The following VRK2 variants were observed in gnomAD, a reference collection of about 807,000 sequenced individuals.
VRK2 encodes the protein serine/threonine-protein kinase VRK2.
Under a neutral mutation model 57.6 loss-of-function variants are expected in VRK2, and 60 were observed. That is an observed-to-expected ratio of 1.04 (90% CI 0.85 to 1.29). VRK2 has a LOEUF of 1.29. Ranked by LOEUF, VRK2 falls within the 50% of genes most tolerant of loss-of-function variation. VRK2 has a pLI of 0.00. For missense variants in VRK2, 705 were observed against 588.1 expected, an observed-to-expected ratio of 1.20 and a Z score of -2.06; for synonymous variants, 231 against 199.2, an observed-to-expected ratio of 1.16 and a Z score of -1.35.
intron 1 of VRK2, among the ~76,000 whole-genome samples, chr2:57,976,652 T>A (rs1672260336): frequency 6.6e-6 from 1 of 152,166 alleles, no homozygotes; most frequent in African/African-American, 2.4e-5. Flanking sequence ...GCAAATATAT[T>A]CTTCCCTACT....
At chr2:58,113,988 T>C (rs1676022347) in intron 7 of VRK2, among the ~76,000 whole-genome samples, 1 of 152,060 alleles carries the variant, frequency 6.6e-6, no homozygotes, top group Non-Finnish European at 1.5e-5. Flanking sequence ...TCAACAGGAT[T>C]AGGGGCAGTG....
At chr2:58,013,879 A>T (rs1673493472) in intron 1 of VRK2, among the ~76,000 whole-genome samples, 1 of 151,422 alleles carries the variant, frequency 6.6e-6, no homozygotes, top group Non-Finnish European at 1.5e-5. Flanking sequence ...AAAAAAAAAA[A>T]AAAGATACAG....
intron 1 of VRK2, among the ~76,000 whole-genome samples, chr2:57,947,445 C>T (rs985423140): frequency 1.3e-5 from 2 of 152,110 alleles, no homozygotes; most frequent in African/African-American, 4.8e-5. Flanking sequence ...ATCATCTTAA[C>T]CTCACAAACT....
chr2:57,954,984 G>A (rs1262710729), intron 1 of VRK2, among the ~76,000 whole-genome samples: 1 of 152,104 alleles, frequency 6.6e-6, no homozygotes, highest in Non-Finnish European at 1.5e-5. Context: ...TAAGTATAAA[G>A]CATAGATATG....
At chr2:57,982,393 C>A (rs1672447878) in intron 1 of VRK2, among the ~76,000 whole-genome samples, 1 of 152,206 alleles carries the variant, frequency 6.6e-6, no homozygotes, top group African/African-American at 2.4e-5. Flanking sequence ...TAGGTCCCTG[C>A]ATGCAAAAGC....
intron 7 of VRK2, among the ~76,000 whole-genome samples, chr2:58,105,005 A>T (rs553606451): frequency 3.9e-5 from 6 of 152,052 alleles, no homozygotes; most frequent in Admixed American, 3.3e-4. Context: ...TTGGATTGCC[A>T]TATACAGAAT....
chr2:58,100,837 A>C (rs1330043009), intron 7 of VRK2, among the ~76,000 whole-genome samples: 1 of 151,854 alleles, frequency 6.6e-6, no homozygotes, highest in South Asian at 2.1e-4. Context: ...ATTTCCATCT[A>C]ACTTTGTGTA....
chr2:58,063,465 T>C (rs1677668045), intron 2 of VRK2, among the ~76,000 whole-genome samples: 1 of 152,062 alleles, frequency 6.6e-6, no homozygotes. Flanking sequence ...ACTATGGTTG[T>C]ATGCATGTAA....
rs1672287236 is a variant in VRK2 at position 57,977,484 on chromosome 2, G to T, written c.-438-48181G>T. ...TATTTTTTTTCTTTTTGTGGCTTTTGTGAATGAGATTGTGTTTTAGATTTG... is the reference window on the plus strand; with the variant it reads ...TATTTTTTTTCTTTTTGTGGCTTTTTTGAATGAGATTGTGTTTTAGATTTG... On this transcript the variant is annotated intron_variant, in intron 1 of 15. Coordinates refer to the VRK2 transcript ENST00000417641. Among the ~76,000 whole-genome samples, 3 of 151,956 alleles carry T rather than the reference G, an allele frequency of 2.0e-5. No homozygotes were observed. In the South Asian group the frequency reaches 6.2e-4, roughly 32 times the overall value.
intron 7 of VRK2, among the ~76,000 whole-genome samples, chr2:58,104,250 T>A (rs2104367678): frequency 6.6e-6 from 1 of 151,926 alleles, no homozygotes; most frequent in Admixed American, 6.6e-5. Flanking sequence ...TACATCCAGA[T>A]TGCAAAAGAA....
intron 1 of VRK2, among the ~76,000 whole-genome samples, chr2:57,933,599 C>CCTG (rs1413441356): frequency 1.3e-5 from 2 of 151,744 alleles, no homozygotes; most frequent in African/African-American, 4.8e-5. Context: ...TAAGCCACCA[C>CCTG]CTGCTGTCTA....
intron 12 of VRK2, among the ~76,000 whole-genome samples, chr2:58,155,859 C>A (rs1683743870): frequency 6.7e-6 from 1 of 149,316 alleles, no homozygotes; most frequent in Non-Finnish European, 1.5e-5. Context: ...TAAAAAGATT[C>A]TGTCCTGTAG....
Position 58,049,079 on chromosome 2 carries a change from A to G in VRK2, c.136+112A>G, listed in dbSNP as rs1284631272. 4 of 1,320,400 alleles carry G rather than the reference A, an allele frequency of 3.0e-6. No individual in the cohort carries two copies. The African/African-American group carries it at 6.0e-5, about 20-fold the overall frequency. 81.8% of individuals were successfully genotyped at this position (1,320,400 alleles called of 1,614,324 possible). A position where few individuals can be genotyped will look rare whatever the true frequency, so the allele number is the denominator to read the frequency against. Reference sequence around the variant, plus strand: ...GGAATTCATATGTGTACTTTATTAAAATTCATGATTGTACTCGATTAAGTA... The same window carrying G: ...GGAATTCATATGTGTACTTTATTAAGATTCATGATTGTACTCGATTAAGTA... On this transcript the variant is annotated intron_variant, in intron 2 of 12. Transcript: ENST00000340157.
At chr2:58,001,689 T>G (rs1673093875) in intron 1 of VRK2, among the ~76,000 whole-genome samples, 1 of 151,910 alleles carries the variant, frequency 6.6e-6, no homozygotes, top group Admixed American at 6.6e-5. Context: ...AGGCGTGGTG[T>G]CGCGCACCTA....
At chr2:58,103,281 TTAAAA>T (rs1255377064) in intron 7 of VRK2, among the ~76,000 whole-genome samples, 5 of 150,486 alleles carry the variant, frequency 3.3e-5, no homozygotes, top group African/African-American at 4.9e-5. Context: ...TAAATAAAAA[TTAAAA>T]TAAAAAAATC....
intron 1 of VRK2, among the ~76,000 whole-genome samples, chr2:57,929,598 C>G (rs141754958): frequency 0.018 from 2,778 of 152,216 alleles, 25 homozygotes; most frequent in Non-Finnish European, 0.026. Flanking sequence ...GTCCCCTTTA[C>G]TCTTCTCTCT....
chr2:58,019,408 T>A (rs1371068941), intron 1 of VRK2, among the ~76,000 whole-genome samples: 1 of 152,190 alleles, frequency 6.6e-6, no homozygotes, highest in East Asian at 1.9e-4. Context: ...TGACTCATAT[T>A]GATACTAGCT....
Position 58,123,198 on chromosome 2 carries a change from TAG to T in VRK2, c.644_645del (p.Glu215ValfsTer17), listed in dbSNP as rs1558665300. 1.3e-6 allele frequency: 2 copies of T among 1,589,788 alleles called. No homozygotes were observed. The highest frequency in any genetic ancestry group is 1.7e-6 in the Non-Finnish European group (2 of 1,173,752). On this transcript the variant is annotated frameshift_variant, in exon 8 of 13. Transcript: ENST00000340157. LOFTEE classifies it high-confidence loss of function. ...CCTAGAAAAGGCCATAATGGGACAATAGAGTTTACCAGCTTGGATGCCCACAA... is the reference window on the plus strand; with the variant it reads ...CCTAGAAAAGGCCATAATGGGACAATAGTTTACCAGCTTGGATGCCCACAA...
chr2:57,921,286 G>GCACA (rs34924125), intron 1 of VRK2, among the ~76,000 whole-genome samples: 5,243 of 148,120 alleles, frequency 0.035, 322 homozygotes, highest in African/African-American at 0.12. Context: ...TCTTAAGCGC[G>GCACA]CACACACACA....
Sources: allele counts gnomAD v4.1 joint callset (sites outside exome capture counted in the v4.1 genomes callset), GRCh38; gene constraint gnomAD v4.1.1; transcripts MANE v1.5; gene names NCBI Gene and HGNC (gene_info 2026-07-23, HGNC 2026-07-21).